Variants in PRKCE observed in about 807,000 individuals in gnomAD.
The protein encoded by PRKCE is protein kinase C epsilon, also known as protein kinase C epsilon type.
PRKCE carries 16 observed loss-of-function variants against 85.4 expected under a neutral mutation model. The observed-to-expected ratio is 0.19, with a 90% CI of 0.13 to 0.28. PRKCE has a LOEUF of 0.28. Ranked by LOEUF, PRKCE falls within the 10% of genes least tolerant of loss-of-function variation. The pLI is 1.00. For synonymous variants in PRKCE, 388 were observed against 371.5 expected, an observed-to-expected ratio of 1.04 and a Z score of -0.51; for missense variants, 573 against 975.2, an observed-to-expected ratio of 0.59 and a Z score of 5.49.
At chr2:45,911,310 G>A (rs912313030) in intron 2 of PRKCE, among the ~76,000 whole-genome samples, 23 of 152,204 alleles carry the variant, frequency 1.5e-4, no homozygotes, top group African/African-American at 5.3e-4. Context: ...TCTCAGGAAA[G>A]GGAATCACTG....
chr2:45,938,801 T>C (rs1573952455), intron 2 of PRKCE, among the ~76,000 whole-genome samples: 2 of 152,336 alleles, frequency 1.3e-5, no homozygotes, highest in East Asian at 3.9e-4. Flanking sequence ...TTCTCACTCA[T>C]CTACAGTTCT....
chr2:45,891,249 A>C (rs1049954571), intron 2 of PRKCE, among the ~76,000 whole-genome samples: 5 of 152,360 alleles, frequency 3.3e-5, no homozygotes, highest in Non-Finnish European at 7.3e-5. Flanking sequence ...TGTTTGCAGA[A>C]AGAGCGACCA....
intron 1 of PRKCE, among the ~76,000 whole-genome samples, chr2:45,812,270 G>A (rs1270313617): frequency 1.3e-5 from 2 of 152,232 alleles, no homozygotes; most frequent in African/African-American, 4.8e-5. Context: ...TCAAATGTAA[G>A]GGATTATTAT....
At chr2:45,764,843 T>C (rs1236889014) in intron 1 of PRKCE, among the ~76,000 whole-genome samples, 1 of 152,216 alleles carries the variant, frequency 6.6e-6, no homozygotes, top group Admixed American at 6.5e-5. Flanking sequence ...AAAATCAACA[T>C]ATATTAAAAA....
intron 1 of PRKCE, among the ~76,000 whole-genome samples, chr2:45,776,881 C>T (rs1236705297): frequency 6.6e-6 from 1 of 152,230 alleles, no homozygotes; most frequent in African/African-American, 2.4e-5. Flanking sequence ...ATTCTTCCTT[C>T]TGATCTGTGT....
intron 1 of PRKCE, among the ~76,000 whole-genome samples, chr2:45,660,657 A>G (rs1429588918): frequency 1.3e-5 from 2 of 152,238 alleles, no homozygotes; most frequent in Non-Finnish European, 2.9e-5. Context: ...TTAGGCTAAA[A>G]TAACTCCAGA....
At chr2:45,765,425 G>A (rs570328035) in intron 1 of PRKCE, among the ~76,000 whole-genome samples, 4 of 152,268 alleles carry the variant, frequency 2.6e-5, no homozygotes, top group South Asian at 4.1e-4. Context: ...TGGACTCCCC[G>A]GTGCCTTGAA....
chr2:45,794,844 T>A (rs1162363369), intron 1 of PRKCE, among the ~76,000 whole-genome samples: 1 of 83,166 alleles, frequency 1.2e-5, no homozygotes, highest in Admixed American at 1.2e-4. Context: ...ATTATTGCCC[T>A]ACCCCCCCCC....
intron 2 of PRKCE, among the ~76,000 whole-genome samples, chr2:45,952,912 A>G (rs1700722325): frequency 6.6e-6 from 1 of 152,208 alleles, no homozygotes; most frequent in Non-Finnish European, 1.5e-5. Context: ...CAGCCAAATA[A>G]AACTATAGAT....
chr2:46,006,080 A>G (rs112362629), intron 8 of PRKCE, among the ~76,000 whole-genome samples: 90 of 152,346 alleles, frequency 5.9e-4, no homozygotes, highest in African/African-American at 2.1e-3. Context: ...CAGCGGCCCC[A>G]GGGCCTCTGT....
chr2:45,993,413 G>A (rs1425850492), intron 6 of PRKCE, among the ~76,000 whole-genome samples: 1 of 152,174 alleles, frequency 6.6e-6, no homozygotes, highest in Non-Finnish European at 1.5e-5. Flanking sequence ...GCTAACTGAT[G>A]TGTGATTGAG....
intron 1 of PRKCE, among the ~76,000 whole-genome samples, chr2:45,801,032 G>A (rs1191099200): frequency 6.6e-6 from 1 of 152,156 alleles, no homozygotes; most frequent in Non-Finnish European, 1.5e-5. Context: ...GTGGGGGGAA[G>A]GGCATTCCAG....
rs758266390 is a variant in PRKCE at position 45,895,404 on chromosome 2, G to T, written c.412+52341G>T. Among the ~76,000 whole-genome samples, 2 of 152,076 alleles carry T rather than the reference G, an allele frequency of 1.3e-5. No individual in the cohort carries two copies. The highest frequency in any genetic ancestry group is 2.1e-4 in the South Asian group (1 of 4,826). On this transcript the variant is annotated intron_variant, in intron 2 of 14. Transcript: ENST00000306156. This position sits in a 1 kb window ranked among gnomAD's most constrained non-coding sequence, Gnocchi z 4.8. Reference sequence around the variant, plus strand: ...AGACTCTGCTATACAATGAGGGGAGGCCTAACTGCCTCTCCGCACCCTGAT... The same window carrying T: ...AGACTCTGCTATACAATGAGGGGAGTCCTAACTGCCTCTCCGCACCCTGAT...
intron 2 of PRKCE, chr2:45,845,484 G>T (rs1573583866): frequency 6.6e-6 from 1 of 151,580 alleles, no homozygotes; most frequent in Non-Finnish European, 1.5e-5. Context: ...CTGCCATCAA[G>T]CATCCCTTCA....
chr2:45,707,149 C>T (rs1215329457), intron 1 of PRKCE, among the ~76,000 whole-genome samples: 1 of 152,166 alleles, frequency 6.6e-6, no homozygotes, highest in East Asian at 1.9e-4. Flanking sequence ...AGTGGAAGTC[C>T]CTCGTGGATC....
chr2:46,096,869 T>C (rs915529139), intron 11 of PRKCE, among the ~76,000 whole-genome samples: 3 of 152,196 alleles, frequency 2.0e-5, no homozygotes, highest in African/African-American at 7.2e-5. Flanking sequence ...GCTCCACTAA[T>C]GTATATTAAA....
At chr2:46,148,208 A>T (rs1184150140) in intron 12 of PRKCE, among the ~76,000 whole-genome samples, 1 of 151,818 alleles carries the variant, frequency 6.6e-6, no homozygotes, top group African/African-American at 2.4e-5. Context: ...CATCAGGGCC[A>T]ATGCCTTCTC....
At chr2:45,803,250 A>T (rs1255811603) in intron 1 of PRKCE, among the ~76,000 whole-genome samples, 1 of 152,246 alleles carries the variant, frequency 6.6e-6, no homozygotes, top group Non-Finnish European at 1.5e-5. Context: ...TTTGAATTGT[A>T]CAGGATGATC....
chr2:45,824,891 C>T (rs1355268038), intron 1 of PRKCE, among the ~76,000 whole-genome samples: 1 of 152,090 alleles, frequency 6.6e-6, no homozygotes, highest in Non-Finnish European at 1.5e-5. Context: ...AATGGGCCAA[C>T]AATTTTGGTT....
Sources: allele counts gnomAD v4.1 joint callset (sites outside exome capture counted in the v4.1 genomes callset), GRCh38; gene constraint gnomAD v4.1.1; non-coding constraint Gnocchi (gnomAD v3.1); transcripts MANE v1.5; gene names NCBI Gene and HGNC (gene_info 2026-07-23, HGNC 2026-07-21).